The following TAFA1 variants were observed in gnomAD, a reference collection of about 807,000 sequenced individuals.
TAFA1 encodes the protein TAFA chemokine like family member 1, also known as chemokine-like protein TAFA-1.
A neutral mutation model predicts 18.5 loss-of-function variants in TAFA1; 4 were observed. The observed-to-expected ratio is 0.22, with a 90% CI of 0.11 to 0.49. The LOEUF (loss-of-function observed/expected upper bound fraction) is 0.49. Ranked by LOEUF, TAFA1 falls within the 20% of genes least tolerant of loss-of-function variation. The pLI, the probability that TAFA1 is intolerant of heterozygous loss-of-function variation, is 0.98. For missense variants in TAFA1, 147 were observed against 169.0 expected (o/e 0.87, Z 0.72); for synonymous variants, 56 against 55.2 (o/e 1.01, Z -0.06).
At chr3:68,468,521 C>A (rs2071932142) in intron 3 of TAFA1, among the ~76,000 whole-genome samples, 1 of 152,164 alleles carries the variant, frequency 6.6e-6, no homozygotes, top group Admixed American at 6.5e-5. Flanking sequence ...TTTTCCCTAG[C>A]AGAGCACCCA....
chr3:68,201,155 T>C (rs931103171), intron 2 of TAFA1, among the ~76,000 whole-genome samples: 3 of 151,752 alleles, frequency 2.0e-5, no homozygotes, highest in South Asian at 2.1e-4. Flanking sequence ...TTTAGGAATG[T>C]ATTGTTTAAT....
chr3:68,434,895 G>T (rs981131568), intron 3 of TAFA1, among the ~76,000 whole-genome samples: 1 of 152,112 alleles, frequency 6.6e-6, no homozygotes, highest in Non-Finnish European at 1.5e-5. Flanking sequence ...CCAAGAAAAT[G>T]CCAAATCAGA....
chr3:68,190,758 GT>G (rs929621916), intron 2 of TAFA1, among the ~76,000 whole-genome samples: 3 of 151,580 alleles, frequency 2.0e-5, no homozygotes, highest in Non-Finnish European at 4.4e-5. Context: ...GGGCTGTTAA[GT>G]TTTTTTTCTT....
chr3:68,493,516 G>T (rs1222582190), intron 3 of TAFA1, among the ~76,000 whole-genome samples: 1 of 152,144 alleles, frequency 6.6e-6, no homozygotes, highest in Non-Finnish European at 1.5e-5. Flanking sequence ...AATTGAAATT[G>T]CTGGATCATA....
intron 2 of TAFA1, among the ~76,000 whole-genome samples, chr3:68,116,853 C>G (rs1200710874): frequency 6.6e-6 from 1 of 152,198 alleles, no homozygotes; most frequent in Admixed American, 6.5e-5. Context: ...TATTGGAACA[C>G]AGCATTGCCC....
intron 2 of TAFA1, among the ~76,000 whole-genome samples, chr3:68,249,010 C>A (rs905817835): frequency 6.0e-4 from 91 of 152,052 alleles, no homozygotes; most frequent in African/African-American, 2.1e-3. Context: ...CCTAATAAAA[C>A]CACAGATCTT....
At chr3:67,998,409 C>G in the TAFA1 span, among the ~76,000 whole-genome samples, 6 of 152,160 alleles carry the variant, frequency 3.9e-5, no homozygotes, top group Non-Finnish European at 8.8e-5. Flanking sequence ...GCCACCCTCC[C>G]CCACTGCATG....
At chr3:68,157,792 C>A (rs1193548503) in intron 2 of TAFA1, among the ~76,000 whole-genome samples, 5 of 152,116 alleles carry the variant, frequency 3.3e-5, no homozygotes, top group Non-Finnish European at 1.5e-5. Context: ...TTAGCATTAT[C>A]AACTGCTAGG....
intron 2 of TAFA1, among the ~76,000 whole-genome samples, chr3:68,179,251 G>A (rs1325860783): frequency 6.6e-6 from 1 of 152,004 alleles, no homozygotes; most frequent in Admixed American, 6.5e-5. Flanking sequence ...AAAATTCTAG[G>A]ACATATACCA....
chr3:68,423,168 ATAAT>A (rs2070989318), intron 3 of TAFA1, among the ~76,000 whole-genome samples: 1 of 152,256 alleles, frequency 6.6e-6, no homozygotes, highest in South Asian at 2.1e-4. Context: ...ATAATGGAAC[ATAAT>A]TAATACCAGT....
chr3:68,194,154 C>T (rs2066382467), intron 2 of TAFA1, among the ~76,000 whole-genome samples: 1 of 151,576 alleles, frequency 6.6e-6, no homozygotes, highest in African/African-American at 2.4e-5. Flanking sequence ...CATTTCTGCC[C>T]ACTGATCAAA....
intron 2 of TAFA1, among the ~76,000 whole-genome samples, chr3:68,298,320 G>A (rs1419501258): frequency 6.6e-6 from 1 of 152,158 alleles, no homozygotes; most frequent in African/African-American, 2.4e-5. Flanking sequence ...GTCCATGTAG[G>A]GGCTGAAGAG....
the TAFA1 span, among the ~76,000 whole-genome samples, chr3:67,998,249 T>G: frequency 6.6e-6 from 1 of 152,208 alleles, no homozygotes; most frequent in Non-Finnish European, 1.5e-5. Flanking sequence ...GAATACGTTA[T>G]TTTATACGTA....
At chr3:68,478,931 T>C (rs1559686251) in intron 3 of TAFA1, among the ~76,000 whole-genome samples, 1 of 149,686 alleles carries the variant, frequency 6.7e-6, no homozygotes, top group African/African-American at 2.4e-5. Flanking sequence ...TATATATATA[T>C]ACATAAAAAT....
intron 3 of TAFA1, among the ~76,000 whole-genome samples, chr3:68,471,005 T>A (rs2071986759): frequency 6.6e-6 from 1 of 152,096 alleles, no homozygotes; most frequent in African/African-American, 2.4e-5. Context: ...GTGTGCCACC[T>A]CAGGACTTGG....
At chr3:68,073,654 T>A (rs1218980336) in intron 2 of TAFA1, among the ~76,000 whole-genome samples, 1 of 152,090 alleles carries the variant, frequency 6.6e-6, no homozygotes, top group Non-Finnish European at 1.5e-5. Flanking sequence ...AAGTATTGCA[T>A]CTCTATACAC....
chr3:68,133,201 C>G (rs772020849), intron 2 of TAFA1, among the ~76,000 whole-genome samples: 4 of 152,010 alleles, frequency 2.6e-5, no homozygotes, highest in Non-Finnish European at 4.4e-5. Context: ...AGTTCTGAGG[C>G]CTCTGTTCTG....
At position 68,263,700 on chromosome 3, in the gene TAFA1, A is replaced by G. The variant is rs1025022474; in HGVS notation, c.119-153580A>G. Among the ~76,000 whole-genome samples, 5 of 151,924 alleles carry G rather than the reference A, an allele frequency of 3.3e-5. 1 individual carries two copies. Among genetic ancestry groups the G allele is most frequent in the Admixed American group, 3.3e-4 (5 of 15,234 alleles). On this transcript the variant is annotated intron_variant, in intron 2 of 4. Coordinates refer to ENST00000478136, the MANE Select transcript of TAFA1 (RefSeq NM_213609.4). ...TCAAAGTCACCTATCTTGTCTCTCA[A>G]TCCAGGATACCATCCCCTGCCATTC...
At chr3:68,389,170 G>T (rs894371623) in intron 2 of TAFA1, among the ~76,000 whole-genome samples, 1 of 152,240 alleles carries the variant, frequency 6.6e-6, no homozygotes, top group East Asian at 1.9e-4. Flanking sequence ...TGCCTCGGGG[G>T]ACTTTGTATG....
Sources: gnomAD v4.1 joint callset for allele counts (sites outside exome capture counted in the v4.1 genomes callset) on GRCh38, gnomAD v4.1.1 for gene constraint, MANE v1.5 for transcripts, NCBI Gene and HGNC (gene_info 2026-07-23, HGNC 2026-07-21) for gene names.